The following VCF1 variants were observed in gnomAD, a reference collection of about 807,000 sequenced individuals.
The protein encoded by VCF1 is VCP nuclear cofactor family member 1, also known as protein VCF1.
chr17:73,209,511 C>T, the VCF1 span: 1 of 1,570,094 alleles, frequency 6.4e-7, no homozygotes, highest in Non-Finnish European at 8.6e-7. Flanking sequence ...TCACAGAAGG[C>T]AAGAAACTGC....
chr17:73,217,100 C>T, the VCF1 span, among the ~76,000 whole-genome samples: 1 of 151,930 alleles, frequency 6.6e-6, no homozygotes, highest in South Asian at 2.1e-4. Context: ...GAGGCCAAGG[C>T]GGGTGGATCA....
the VCF1 span, among the ~76,000 whole-genome samples, chr17:73,216,491 G>A: frequency 6.6e-6 from 1 of 152,158 alleles, no homozygotes; most frequent in African/African-American, 2.4e-5. Context: ...GGGAGGGAGA[G>A]GGAGAAGGCA....
chr17:73,224,845 G>GACAGGACAGGACAGC, the VCF1 span, among the ~76,000 whole-genome samples: 2 of 130,134 alleles, frequency 1.5e-5, 1 homozygote, highest in African/African-American at 5.5e-5. Context: ...CACAGCACAG[G>GACAGGACAGGACAGC]ACAGGACAGG....
the VCF1 span, chr17:73,231,978 G>T: frequency 8.0e-7 from 1 of 1,246,814 alleles, no homozygotes; most frequent in South Asian, 1.5e-5. Flanking sequence ...ACCCCACAGG[G>T]AGCCCCGCCG....
the VCF1 span, among the ~76,000 whole-genome samples, chr17:73,213,200 C>T: frequency 4.6e-4 from 69 of 151,054 alleles, no homozygotes; most frequent in Non-Finnish European, 7.4e-5. Context: ...GCTGAGATCA[C>T]GCCACTGCAC....
the VCF1 span, chr17:73,209,555 G>A: frequency 6.3e-7 from 1 of 1,588,460 alleles, no homozygotes; most frequent in Non-Finnish European, 8.6e-7. Context: ...CCTCGGTGCT[G>A]TAGGCTGTGG....
At chr17:73,222,478 G>A in the VCF1 span, among the ~76,000 whole-genome samples, 1 of 151,892 alleles carries the variant, frequency 6.6e-6, no homozygotes. Flanking sequence ...CTCTGTTCCT[G>A]ACTCAAAACA....
chr17:73,229,522 T>C, the VCF1 span: 1 of 985,428 alleles, frequency 1.0e-6, no homozygotes, highest in Non-Finnish European at 1.2e-6. Context: ...CATTATTTCA[T>C]TTCTCTCCAA....
chr17:73,216,178 A>G, the VCF1 span, among the ~76,000 whole-genome samples: 1 of 152,104 alleles, frequency 6.6e-6, no homozygotes, highest in African/African-American at 2.4e-5. Context: ...TCCTAATACA[A>G]CAAGCAGGAA....
the VCF1 span, among the ~76,000 whole-genome samples, chr17:73,224,960 G>GCACAGC: frequency 2.1e-5 from 1 of 47,266 alleles, no homozygotes; most frequent in African/African-American, 7.3e-5. Flanking sequence ...CACAGGACAG[G>GCACAGC]ACAGCACAGC....
chr17:73,224,875 G>GACAGC, the VCF1 span, among the ~76,000 whole-genome samples: 225 of 44,882 alleles, frequency 5.0e-3, 5 homozygotes, highest in African/African-American at 0.017. Context: ...CACAGGACAG[G>GACAGC]ACAGCACAGC....
chr17:73,227,220 G>A, the VCF1 span: 5 of 1,585,652 alleles, frequency 3.2e-6, no homozygotes, highest in Non-Finnish European at 4.3e-6. Flanking sequence ...TTTGGTCTGG[G>A]GGGGAAGATG....
At chr17:73,209,705 T>C in the VCF1 span, 6 of 1,547,412 alleles carry the variant, frequency 3.9e-6, no homozygotes, top group African/African-American at 4.1e-5. Flanking sequence ...CCGCTGGCCC[T>C]GTCCGGGCTA....
At chr17:73,222,850 C>A in the VCF1 span, among the ~76,000 whole-genome samples, 1 of 152,000 alleles carries the variant, frequency 6.6e-6, no homozygotes, top group Non-Finnish European at 1.5e-5. Flanking sequence ...CAAAGTCTCG[C>A]AGAACCTCTG....
the VCF1 span, among the ~76,000 whole-genome samples, chr17:73,211,499 T>A: frequency 4.0e-5 from 6 of 148,654 alleles, no homozygotes; most frequent in Non-Finnish European, 7.4e-5. Context: ...ACCTGGGGGG[T>A]GGAGGTTGCA....
chr17:73,216,266 G>A, the VCF1 span, among the ~76,000 whole-genome samples: 5 of 152,326 alleles, frequency 3.3e-5, no homozygotes, highest in Admixed American at 2.0e-4. Flanking sequence ...AAGAACTCCG[G>A]AAGGAGAGGA....
the VCF1 span, among the ~76,000 whole-genome samples, chr17:73,223,210 G>A: frequency 1.3e-3 from 204 of 152,040 alleles, 2 homozygotes; most frequent in Non-Finnish European, 7.2e-4. Context: ...CCAGCTACTC[G>A]GGAGGCTGAG....
At chr17:73,208,102 C>T in the VCF1 span, 144 of 1,448,578 alleles carry the variant, frequency 9.9e-5, 1 homozygote, top group Non-Finnish European at 1.1e-4. Flanking sequence ...AGACAGTCCT[C>T]ATTTCCAAAT....
the VCF1 span, among the ~76,000 whole-genome samples, chr17:73,215,991 G>A: frequency 1.8e-4 from 27 of 152,154 alleles, no homozygotes; most frequent in African/African-American, 5.8e-4. Flanking sequence ...GAGTGAGTGA[G>A]AGGGAAACTG....
Sources: gnomAD v4.1 joint callset for allele counts (sites outside exome capture counted in the v4.1 genomes callset) on GRCh38, gnomAD v4.1.1 for gene constraint, MANE v1.5 for transcripts, NCBI Gene and HGNC (gene_info 2026-07-23, HGNC 2026-07-21) for gene names.